The following SPINDOC variants were observed in gnomAD, a reference collection of about 807,000 sequenced individuals.
SPINDOC encodes spindlin interactor and repressor of chromatin binding, also known as spindlin interactor and repressor of chromatin-binding protein.
In SPINDOC, 13 loss-of-function variants were observed where a neutral mutation model predicts 30.7. That is an observed-to-expected ratio of 0.42 (90% CI 0.28 to 0.67). The LOEUF is 0.67. Ranked by LOEUF, SPINDOC falls within the 30% of genes least tolerant of loss-of-function variation. SPINDOC has a pLI of 0.22. For synonymous variants in SPINDOC, 228 were observed against 211.4 expected (o/e 1.08, Z -0.68); for missense variants, 438 against 518.0 (o/e 0.85, Z 1.50).
Position 63,818,311 on chromosome 11 carries a change from C to T in SPINDOC, c.553C>T (p.Pro185Ser), listed in dbSNP as rs1190201146. 1 of 1,614,018 alleles carries T rather than the reference C, an allele frequency of 6.2e-7. No homozygotes were observed. Among genetic ancestry groups the T allele is most frequent in the South Asian group, 1.1e-5 (1 of 91,068 alleles). Residue 185 changes from proline (P) to serine (S), a missense_variant, in exon 3 of 6, where the codon CCA (proline) becomes TCA (serine). Pro to Ser is a moderately conservative substitution (Grantham distance 74). Coordinates refer to ENST00000294244, the MANE Select transcript of SPINDOC (RefSeq NM_138471.3). This position sits in a 1 kb window ranked among gnomAD's most constrained non-coding sequence, Gnocchi z 5.3. ...IVVLLDSEDN[P>S]SLPKRSRPRG... is the part of the protein sequence containing the mutation. ...CGTTCTCCTTGACTCTGAGGATAAC[C>T]CATCCCTCCCTAAAAGGAGCCGGCC...
intron 1 of SPINDOC, among the ~76,000 whole-genome samples, chr11:63,814,070 C>A (rs1269354948): frequency 6.6e-6 from 1 of 152,366 alleles, no homozygotes; most frequent in African/African-American, 2.4e-5. Context: ...CCACGCCCCG[C>A]ACGCTCCGGA....
At chr11:63,817,727 A>T in intron 1 of SPINDOC, 78 bp from the exon 2 acceptor site, 1 of 1,309,150 alleles carries the variant, frequency 7.6e-7, no homozygotes, top group Non-Finnish European at 1.0e-6. Flanking sequence ...CACTCAAACC[A>T]CTGAGTCTGG....
intron 5 of SPINDOC, among the ~76,000 whole-genome samples, 185 bp downstream of exon 5, chr11:63,819,187 G>T (rs988634258): frequency 6.6e-6 from 1 of 152,182 alleles, no homozygotes; most frequent in African/African-American, 2.4e-5. Context: ...AGGAAGGCTG[G>T]CCTGAAAGCT....
rs775724677 is a variant in SPINDOC at position 63,818,154 on chromosome 11, G to A, written c.457+20G>A. 6.2e-7 allele frequency: 1 copy of A among 1,613,322 alleles called. No individual in the cohort carries two copies. Among genetic ancestry groups the A allele is most frequent in the Non-Finnish European group, 8.5e-7 (1 of 1,179,408 alleles). ...ACTCAGGTAGTTGGTCCTGGGGCTG[G>A]CGAAGGGAGAAGTCGGACTTGTTGG... On this transcript the variant is annotated intron_variant, in intron 2 of 5. Coordinates refer to ENST00000294244, the MANE Select transcript of SPINDOC (RefSeq NM_138471.3). The surrounding 1 kb of genome is among the most constrained non-coding windows in gnomAD (Gnocchi z 5.3).
Position 63,817,833 on chromosome 11 carries a change from T to G in SPINDOC, c.156T>G (p.Pro52=). Residue 52 remains proline, a synonymous_variant, in exon 2 of 6, where the codon CCT becomes CCG. Transcript: ENST00000294244. ...RVTQQEKTPP[P]RPSPLEAGSD... Reference sequence around the variant, plus strand: ...CCCAACAGGAGAAGACCCCACCGCCTAGACCCAGCCCGCTAGAGGCAGGCA... The same window carrying G: ...CCCAACAGGAGAAGACCCCACCGCCGAGACCCAGCCCGCTAGAGGCAGGCA... The G allele has an allele frequency of 6.2e-7, 1 of 1,601,434 alleles. No homozygotes were observed. The highest frequency in any genetic ancestry group is 1.3e-5 in the African/African-American group (1 of 74,732).
Position 63,826,999 on chromosome 11 carries a change from G to A in SPINDOC, c.1006G>A (p.Val336Ile). The A allele has an allele frequency of 6.2e-7, 1 of 1,614,104 alleles. No homozygotes were observed. The highest frequency in any genetic ancestry group is 8.5e-7 in the Non-Finnish European group (1 of 1,179,974). Residue 336 changes from valine (V) to isoleucine (I), a missense_variant, in exon 6 of 6, where the codon GTC (valine) becomes ATC (isoleucine). By Grantham distance (29) the Val-to-Ile change is conservative. Around this residue, in one of 3 missense-constraint regions of SPINDOC, gnomAD observed 300 missense variants for 332.8 expected, o/e 0.90. Coordinates refer to ENST00000294244, the MANE Select transcript of SPINDOC (RefSeq NM_138471.3). ...IRVRMEEPPA[V>I]SLLQDWSRHP... ...CGTGCGGATGGAGGAGCCCCCAGCG[G>A]TCAGCCTCCTGCAAGACTGGTCCAG...
In SPINDOC at chr11:63,813,803, G is replaced by A; in HGVS notation, c.117G>A (p.Pro39=). 6.3e-7 allele frequency: 1 copy of A among 1,576,170 alleles called. No homozygotes were observed. The highest frequency in any genetic ancestry group is 8.6e-7 in the Non-Finnish European group (1 of 1,161,664). Residue 39 remains proline, a synonymous_variant, in exon 1 of 6, where the codon CCG becomes CCA. Coordinates refer to ENST00000294244, the MANE Select transcript of SPINDOC (RefSeq NM_138471.3). ...MVVAVIPRPE[P]MLRVTQQEKT... is the part of the protein sequence containing the mutation. ...TGGCCGTAATTCCGCGGCCCGAGCC[G>A]ATGCTCAGAGGTGAGGATGGAGGGG... is the stretch of plus-strand genomic sequence containing the variant.
chr11:63,822,946 T>G, intron 5 of SPINDOC: 1 of 1,219,946 alleles, frequency 8.2e-7, no homozygotes, highest in South Asian at 1.3e-5. Context: ...GCTTGAGTGA[T>G]CTGAGGGGGC....
chr11:63,817,945 CTG>C lies in SPINDOC; in HGVS notation c.271_272del (p.Cys91HisfsTer6). ...CAGCCCAGGAGGCAGCGGGCGGGCACTGTGCATGGTGTGTGGCGCTGAGATCC... is the reference window on the plus strand; with the variant it reads ...CAGCCCAGGAGGCAGCGGGCGGGCACTGCATGGTGTGTGGCGCTGAGATCC... ...GSSPGGSGRA[L>X]CMVCGAEIRA... On this transcript the variant is annotated frameshift_variant, in exon 2 of 6. Coordinates refer to ENST00000294244, the MANE Select transcript of SPINDOC (RefSeq NM_138471.3). LOFTEE classifies it high-confidence loss of function. 1.2e-6 allele frequency: 2 copies of C among 1,614,118 alleles called. No homozygotes were observed. Among genetic ancestry groups the C allele is most frequent in the Non-Finnish European group, 1.7e-6 (2 of 1,180,046 alleles).
chr11:63,820,839 G>A (rs1022294331), intron 5 of SPINDOC, among the ~76,000 whole-genome samples: 7 of 139,868 alleles, frequency 5.0e-5, no homozygotes, highest in Admixed American at 8.1e-5. Context: ...GCAGTGAGTC[G>A]AGATCGCGCC....
At chr11:63,820,544 T>C (rs1162149205) in intron 5 of SPINDOC, among the ~76,000 whole-genome samples, 2 of 152,142 alleles carry the variant, frequency 1.3e-5, no homozygotes, top group Non-Finnish European at 2.9e-5. Context: ...ATGGTCCTTA[T>C]GTCAGTTTCC....
At position 63,814,150 on chromosome 11, in the gene SPINDOC, G is replaced by T. The variant is rs192690990; in HGVS notation, c.127+337G>T. ...GGCCGGATCCCCAGAGGCGCTGGGT[G>T]GTTGCGGCCGCCGTCTCACAGCCTG... On this transcript the variant is annotated intron_variant, in intron 1 of 5. Coordinates refer to ENST00000294244, the MANE Select transcript of SPINDOC (RefSeq NM_138471.3). 3.0e-3 allele frequency among the ~76,000 whole-genome samples: 452 copies of T among 152,364 alleles called. 7 individuals carry two copies. In the East Asian group the frequency reaches 0.038, roughly 13 times the overall value.
At chr11:63,815,083 T>C (rs80253190) in intron 1 of SPINDOC, among the ~76,000 whole-genome samples, 2,244 of 152,314 alleles carry the variant, frequency 0.015, 46 homozygotes, top group African/African-American at 0.051. Context: ...AATAGGTTCA[T>C]GTATAGTATG....
chr11:63,824,777 AAT>A (rs2015611986), intron 5 of SPINDOC, among the ~76,000 whole-genome samples: 3 of 151,816 alleles, frequency 2.0e-5, no homozygotes, highest in South Asian at 2.1e-4. Flanking sequence ...AAAAAAAAAA[AAT>A]CTCAAACTCG....
rs546636764 is a variant in SPINDOC at position 63,825,028 on chromosome 11, G to A, written c.935-1900G>A. 1.2e-4 allele frequency among the ~76,000 whole-genome samples: 19 copies of A among 152,232 alleles called. No homozygotes were observed. The East Asian group carries it at 2.7e-3, about 22-fold the overall frequency. On this transcript the variant is annotated intron_variant, in intron 5 of 5. Coordinates refer to ENST00000294244, the MANE Select transcript of SPINDOC (RefSeq NM_138471.3). ...GCTACCCTAGTCAGGGCCGGCTCTC[G>A]CCTGGTTCCTGTAACAAACCTAAGC...
chr11:63,822,529 T>C, intron 5 of SPINDOC: 1 of 1,004,086 alleles, frequency 1.0e-6, no homozygotes, highest in South Asian at 1.3e-5. Flanking sequence ...TGCGTGTGTG[T>C]GTAGTTGCTT....
At chr11:63,820,398 CAAAAAAAAAAA>C (rs201624522) in intron 5 of SPINDOC, among the ~76,000 whole-genome samples, 1 of 53,862 alleles carries the variant, frequency 1.9e-5, no homozygotes, top group Non-Finnish European at 4.0e-5. Flanking sequence ...ACTCTGTCTC[CAAAAAAAAAAA>C]AAAAAAAGAA....
rs372739564 is a variant in SPINDOC, at chr11:63,823,414, A to G, written c.935-3514A>G. 1.2e-3 allele frequency: 1,198 copies of G among 1,013,638 alleles called. 23 individuals are homozygous for G. In the South Asian group the frequency reaches 0.02, roughly 17 times the overall value. The allele number at this position is 1,013,638 out of a possible 1,614,324, so 62.8% of individuals were successfully genotyped here. Reference sequence around the variant, plus strand: ...GTGGATTTAACAGTTGGAAAAGGCCACCTGTGGTCAGGTTAGCTGAGCTGA... The same window carrying G: ...GTGGATTTAACAGTTGGAAAAGGCCGCCTGTGGTCAGGTTAGCTGAGCTGA... On this transcript the variant is annotated intron_variant, in intron 5 of 5. Transcript: ENST00000294244.
intron 5 of SPINDOC, among the ~76,000 whole-genome samples, chr11:63,820,497 G>A (rs978752957): frequency 6.6e-6 from 1 of 151,772 alleles, no homozygotes. Flanking sequence ...TTCCAAAAGG[G>A]AAAACCATTT....
Sources: gnomAD v4.1 joint callset for allele counts (sites outside exome capture counted in the v4.1 genomes callset) on GRCh38, gnomAD v4.1.1 for gene constraint, gnomAD v4.1.1 regional missense constraint, Gnocchi (gnomAD v3.1) non-coding constraint, MANE v1.5 for transcripts, NCBI Gene and HGNC (gene_info 2026-07-23, HGNC 2026-07-21) for gene names.